Variants in QTMAN observed in about 807,000 individuals in gnomAD.
QTMAN encodes queuosine-tRNA mannosyltransferase, also known as tRNA-queuosine alpha-mannosyltransferase.
chr2:143,975,459 T>A, the QTMAN span, among the ~76,000 whole-genome samples: 5 of 152,172 alleles, frequency 3.3e-5, no homozygotes, highest in African/African-American at 1.2e-4. Context: ...GAGGGCTCCA[T>A]CAGGAAAGGA....
At chr2:144,127,601 A>G in the QTMAN span, among the ~76,000 whole-genome samples, 2 of 152,068 alleles carry the variant, frequency 1.3e-5, no homozygotes, top group Non-Finnish European at 2.9e-5. Context: ...GTCAGTTTAG[A>G]TGCCTGTGAG....
the QTMAN span, among the ~76,000 whole-genome samples, chr2:144,269,660 T>C: frequency 1.3e-5 from 2 of 151,942 alleles, no homozygotes; most frequent in Admixed American, 1.3e-4. Context: ...CAAAATAAAA[T>C]GACCTAAGAA....
chr2:144,145,786 GGGA>G, the QTMAN span: 1 of 1,495,644 alleles, frequency 6.7e-7, no homozygotes, highest in Non-Finnish European at 9.2e-7. Flanking sequence ...TATGTTTGAA[GGGA>G]TCATGCTTTG....
At chr2:144,281,037 T>G in the QTMAN span, among the ~76,000 whole-genome samples, 1 of 151,410 alleles carries the variant, frequency 6.6e-6, no homozygotes, top group Non-Finnish European at 1.5e-5. Flanking sequence ...TAGGTATATC[T>G]CCTAATGCTA....
the QTMAN span, among the ~76,000 whole-genome samples, chr2:144,321,511 G>A: frequency 8.1e-4 from 124 of 152,256 alleles, no homozygotes; most frequent in African/African-American, 2.7e-3. Context: ...ATTCACAAAC[G>A]CAGTCATAAA....
At chr2:144,042,007 A>C in the QTMAN span, among the ~76,000 whole-genome samples, 3 of 152,156 alleles carry the variant, frequency 2.0e-5, no homozygotes, top group Non-Finnish European at 4.4e-5. Context: ...CCAAGTCATG[A>C]AGGTCCCACA....
the QTMAN span, among the ~76,000 whole-genome samples, chr2:143,959,530 C>A: frequency 2.0e-5 from 3 of 152,016 alleles, no homozygotes; most frequent in Admixed American, 2.0e-4. Flanking sequence ...ATATGAAGCA[C>A]CTAGCACAAT....
At chr2:144,332,315 C>T in the QTMAN span, 1 of 150,084 alleles carries the variant, frequency 6.7e-6, no homozygotes, top group Non-Finnish European at 1.5e-5. Context: ...GCCGCCGCTG[C>T]TGCCCCTCTG....
chr2:144,170,774 T>C, the QTMAN span, among the ~76,000 whole-genome samples: 1 of 152,036 alleles, frequency 6.6e-6, no homozygotes, highest in African/African-American at 2.4e-5. Context: ...TTAGGACAAA[T>C]ACATACAGTG....
chr2:144,013,167 T>C, the QTMAN span, among the ~76,000 whole-genome samples: 1 of 152,164 alleles, frequency 6.6e-6, no homozygotes, highest in African/African-American at 2.4e-5. Flanking sequence ...CCAAAGTACA[T>C]GTTACTATAT....
chr2:144,234,215 C>A, the QTMAN span, among the ~76,000 whole-genome samples: 1 of 151,982 alleles, frequency 6.6e-6, no homozygotes, highest in Non-Finnish European at 1.5e-5. Context: ...GAAAAAGTTG[C>A]CACAGACACA....
chr2:144,072,204 T>C, the QTMAN span, among the ~76,000 whole-genome samples: 1 of 152,164 alleles, frequency 6.6e-6, no homozygotes, highest in Non-Finnish European at 1.5e-5. Flanking sequence ...GTCAGTTTTA[T>C]GTGGAGGAAA....
At chr2:144,082,308 G>A in the QTMAN span, among the ~76,000 whole-genome samples, 1 of 152,202 alleles carries the variant, frequency 6.6e-6, no homozygotes, top group African/African-American at 2.4e-5. Flanking sequence ...CTCAGTGCTC[G>A]TGTGGATGCA....
the QTMAN span, among the ~76,000 whole-genome samples, chr2:144,277,135 C>A: frequency 1.3e-5 from 2 of 152,028 alleles, no homozygotes; most frequent in African/African-American, 2.4e-5. Context: ...GCTAGTACCA[C>A]ATGTTTAAAT....
At chr2:144,019,435 G>GGTGTGTGTGTGTGTGTGTGTGTGT in the QTMAN span, among the ~76,000 whole-genome samples, 16 of 117,274 alleles carry the variant, frequency 1.4e-4, 1 homozygote, top group Admixed American at 2.6e-4. Flanking sequence ...TAAGCATGCA[G>GGTGTGTGTGTGTGTGTGTGTGTGT]GTGTGTGTGT....
At chr2:144,133,155 T>TATATATATAA in the QTMAN span, among the ~76,000 whole-genome samples, 3 of 42,384 alleles carry the variant, frequency 7.1e-5, no homozygotes, top group African/African-American at 4.3e-4. Flanking sequence ...ATATATAATA[T>TATATATATAA]AATATAATAT....
the QTMAN span, among the ~76,000 whole-genome samples, chr2:144,156,441 C>A: frequency 6.2e-4 from 95 of 152,112 alleles, no homozygotes; most frequent in Non-Finnish European, 1.2e-3. Flanking sequence ...ACATCTGCAA[C>A]AGAAAAAGAA....
At chr2:143,963,178 T>A in the QTMAN span, among the ~76,000 whole-genome samples, 1 of 152,114 alleles carries the variant, frequency 6.6e-6, no homozygotes, top group Non-Finnish European at 1.5e-5. Flanking sequence ...ATTAAGGGGA[T>A]TGTTGTCATA....
chr2:144,076,626 C>A, the QTMAN span, among the ~76,000 whole-genome samples: 32 of 152,014 alleles, frequency 2.1e-4, 1 homozygote, highest in Non-Finnish European at 2.5e-4. Context: ...GAAAACAACA[C>A]GGGACAATGC....
Sources: allele counts gnomAD v4.1 joint callset (sites outside exome capture counted in the v4.1 genomes callset), GRCh38; gene constraint gnomAD v4.1.1; transcripts MANE v1.5; gene names NCBI Gene and HGNC (gene_info 2026-07-23, HGNC 2026-07-21).